The following VSNL1 variants were observed in gnomAD, a reference collection of about 807,000 sequenced individuals.
VSNL1 encodes the protein visinin-like protein 1.
VSNL1 carries 6 observed loss-of-function variants against 20.4 expected under a neutral mutation model. That is an observed-to-expected ratio of 0.29 (90% CI 0.16 to 0.58). VSNL1 has a LOEUF of 0.58. Ranked by LOEUF, VSNL1 falls within the 20% of genes least tolerant of loss-of-function variation. VSNL1 has a pLI of 0.90. For synonymous variants in VSNL1, 93 were observed against 86.4 expected (o/e 1.08, Z -0.42); for missense variants, 100 against 234.5 (o/e 0.43, Z 3.75).
chr2:17,570,779 G>A (rs1029119410), intron 1 of VSNL1, among the ~76,000 whole-genome samples: 5 of 152,162 alleles, frequency 3.3e-5, no homozygotes, highest in Non-Finnish European at 5.9e-5. Context: ...AGGTGCAGTG[G>A]CTCACACCTG....
chr2:17,610,915 T>A (rs1337875400), intron 2 of VSNL1, among the ~76,000 whole-genome samples: 9 of 152,132 alleles, frequency 5.9e-5, no homozygotes, highest in African/African-American at 2.2e-4. Context: ...CTTTGCTTGA[T>A]AGATCAAGCA....
chr2:17,593,732 A>G (rs1664648629), intron 2 of VSNL1, among the ~76,000 whole-genome samples: 1 of 152,240 alleles, frequency 6.6e-6, no homozygotes, highest in African/African-American at 2.4e-5. Context: ...GATCTTTTCT[A>G]TAGAAGTGCT....
chr2:17,548,048 C>T (rs1519477), intron 1 of VSNL1, among the ~76,000 whole-genome samples: 44,462 of 151,926 alleles, frequency 0.29, 8,310 homozygotes, highest in East Asian at 0.87. Context: ...TTTTTCCAAC[C>T]CATTTCGCGA....
intron 2 of VSNL1, among the ~76,000 whole-genome samples, chr2:17,648,528 T>C (rs1162570918): frequency 2.0e-5 from 3 of 152,262 alleles, no homozygotes; most frequent in African/African-American, 4.8e-5. Context: ...GATTTATTCA[T>C]CCAGAAATAC....
At chr2:17,632,139 G>A (rs1387914348) in intron 2 of VSNL1, among the ~76,000 whole-genome samples, 1 of 152,158 alleles carries the variant, frequency 6.6e-6, no homozygotes, top group Non-Finnish European at 1.5e-5. Flanking sequence ...CACCCACAGG[G>A]ATTACAGGCG....
At chr2:17,570,965 G>T (rs768031322) in intron 1 of VSNL1, among the ~76,000 whole-genome samples, 1 of 151,722 alleles carries the variant, frequency 6.6e-6, no homozygotes, top group Non-Finnish European at 1.5e-5. Flanking sequence ...GGCGAAGATT[G>T]CAGTAAGCCG....
At chr2:17,588,972 C>G (rs1342318694) in intron 1 of VSNL1, among the ~76,000 whole-genome samples, 1 of 152,176 alleles carries the variant, frequency 6.6e-6, no homozygotes, top group African/African-American at 2.4e-5. Flanking sequence ...AGTCCTCTCT[C>G]TCAAGAAACC....
chr2:17,610,071 C>T (rs1303823100), intron 2 of VSNL1, among the ~76,000 whole-genome samples: 1 of 152,222 alleles, frequency 6.6e-6, no homozygotes, highest in African/African-American at 2.4e-5. Flanking sequence ...CCAGCAGGGG[C>T]ATCAGGCAGT....
intron 1 of VSNL1, among the ~76,000 whole-genome samples, chr2:17,562,312 T>C (rs1249365787): frequency 6.6e-6 from 1 of 152,246 alleles, no homozygotes; most frequent in Non-Finnish European, 1.5e-5. Flanking sequence ...CAAAGCTTAG[T>C]GTTCATTTGC....
chr2:17,622,584 G>GAAAGAAAGA (rs1665403937), intron 2 of VSNL1, among the ~76,000 whole-genome samples: 3 of 127,918 alleles, frequency 2.3e-5, no homozygotes, highest in African/African-American at 5.7e-5. Flanking sequence ...AAGAAAGAAA[G>GAAAGAAAGA]AAAGAAAGAA....
At position 17,640,207 on chromosome 2, in the gene VSNL1, C is replaced by T. The variant is rs142465992; in HGVS notation, c.163-9203C>T. 4.1e-5 allele frequency among the ~76,000 whole-genome samples: 6 copies of T among 147,040 alleles called. No individual in the cohort carries two copies. The East Asian group carries it at 1.0e-3, about 24-fold the overall frequency. ...AGAGGAAGTTACAGTGAGCCAAGAT[C>T]GTGCCATTGCACTCTGGCCTGGGCA... is the stretch of plus-strand genomic sequence containing the variant. On this transcript the variant is annotated intron_variant, in intron 2 of 3. Coordinates refer to ENST00000295156, the MANE Select transcript of VSNL1 (RefSeq NM_003385.5).
intron 1 of VSNL1, among the ~76,000 whole-genome samples, chr2:17,549,318 T>C (rs184420879): frequency 3.6e-4 from 55 of 152,308 alleles, no homozygotes; most frequent in Admixed American, 3.5e-3. Context: ...CTAATGCAGA[T>C]TGACCAAGTG....
intron 2 of VSNL1, among the ~76,000 whole-genome samples, chr2:17,620,952 TA>T (rs1331046837): frequency 1.3e-5 from 2 of 152,204 alleles, no homozygotes; most frequent in African/African-American, 4.8e-5. Flanking sequence ...CCAAGCATAA[TA>T]AAACCTTAAG....
At position 17,655,461 on chromosome 2, in the gene VSNL1, A is replaced by T. The variant is rs1214608801; in HGVS notation, c.*67A>T. The T allele has an allele frequency of 4.8e-6, 3 of 625,062 alleles. No homozygotes were observed. The highest frequency in any genetic ancestry group is 1.9e-4 in the East Asian group (2 of 10,650). 38.7% of individuals were successfully genotyped at this position (625,062 alleles called of 1,614,324 possible). A position where few individuals can be genotyped will look rare whatever the true frequency, so the allele number is the denominator to read the frequency against. ...CCATTCAGTCTGCAGCTATTCACAC[A>T]CACACACACACACACACACACACAC... is the stretch of plus-strand genomic sequence containing the variant. On this transcript the variant is annotated 3_prime_UTR_variant, in exon 4 of 4. Coordinates refer to ENST00000295156, the MANE Select transcript of VSNL1 (RefSeq NM_003385.5). This position sits in a 1 kb window ranked among gnomAD's most constrained non-coding sequence, Gnocchi z 5.2.
chr2:17,610,464 C>T (rs530024124), intron 2 of VSNL1, among the ~76,000 whole-genome samples: 2 of 152,184 alleles, frequency 1.3e-5, no homozygotes, highest in Admixed American at 6.5e-5. Context: ...ATATAGTGAA[C>T]CAGGTGGTGA....
At chr2:17,620,151 A>G (rs949435369) in intron 2 of VSNL1, among the ~76,000 whole-genome samples, 10 of 152,186 alleles carry the variant, frequency 6.6e-5, no homozygotes, top group African/African-American at 2.4e-4. Flanking sequence ...ACATTGGGAA[A>G]CACAGAAGTT....
intron 1 of VSNL1, among the ~76,000 whole-genome samples, chr2:17,568,932 G>A (rs1361136099): frequency 3.3e-5 from 5 of 152,074 alleles, no homozygotes; most frequent in Admixed American, 3.3e-4. Flanking sequence ...GCTGACTTTA[G>A]ACTAATGGCT....
At chr2:17,569,127 C>T (rs867752110) in intron 1 of VSNL1, among the ~76,000 whole-genome samples, 3 of 151,910 alleles carry the variant, frequency 2.0e-5, no homozygotes, top group Middle Eastern at 3.4e-3. Flanking sequence ...GCCAACATGG[C>T]GAAACCCTGT....
Position 17,656,981 on chromosome 2 carries a change from GT to G in VSNL1, c.*1588del, listed in dbSNP as rs549524502. 5.9e-5 allele frequency: 9 copies of G among 151,970 alleles called. No homozygotes were observed. In the South Asian group the frequency reaches 1.9e-3, roughly 32 times the overall value. 9.4% of individuals were successfully genotyped at this position (151,970 alleles called of 1,614,324 possible). A position where few individuals can be genotyped will look rare whatever the true frequency, so the allele number is the denominator to read the frequency against. On this transcript the variant is annotated 3_prime_UTR_variant, in exon 4 of 4. Transcript: ENST00000295156. The stretch of plus-strand genomic sequence containing the variant: ...ATTCGTTTTTTACCATTCTTTATTT[GT>G]CTTAGGATCATTACATAACACTAAA...
Sources: allele counts gnomAD v4.1 joint callset (sites outside exome capture counted in the v4.1 genomes callset), GRCh38; gene constraint gnomAD v4.1.1; non-coding constraint Gnocchi (gnomAD v3.1); transcripts MANE v1.5; gene names NCBI Gene and HGNC (gene_info 2026-07-23, HGNC 2026-07-21).